Variants in RSPH1 observed in about 807,000 individuals in gnomAD.
RSPH1 encodes the protein radial spoke head component 1.
Under a neutral mutation model 44.2 loss-of-function variants are expected in RSPH1, and 32 were observed. The ratio of observed to expected loss-of-function variants is 0.72; its 90% CI spans 0.55 to 0.97. RSPH1 has a LOEUF of 0.97. Ranked by LOEUF, RSPH1 falls within the 50% of genes least tolerant of loss-of-function variation. RSPH1 has a pLI of 0.00. For synonymous variants in RSPH1, 134 were observed against 147.3 expected (o/e 0.91, Z 0.65); for missense variants, 391 against 398.7 (o/e 0.98, Z 0.16).
intron 7 of RSPH1, 147 bp downstream of exon 7, chr21:42,477,144 C>T (rs2054068592): frequency 1.1e-6 from 1 of 901,440 alleles, no homozygotes; most frequent in African/African-American, 1.9e-5. Context: ...ACCCTCTGCC[C>T]CCTCCACCCC....
chr21:42,477,589 C>A, intron 6 of RSPH1, 145 bp from the exon 7 acceptor site: 1 of 763,006 alleles, frequency 1.3e-6, no homozygotes, highest in Admixed American at 2.3e-5. Context: ...AGGAATCAGA[C>A]CAGTTGCTGA....
chr21:42,488,262 T>C (rs1213657864), intron 3 of RSPH1, among the ~76,000 whole-genome samples: 1 of 152,172 alleles, frequency 6.6e-6, no homozygotes, highest in Non-Finnish European at 1.5e-5. Context: ...GATGTGCAAA[T>C]ACCTAGAGGG....
rs781199496 is a variant in RSPH1 at position 42,485,779 on chromosome 21, C to A, written c.391G>T (p.Ala131Ser). ...QRHGQGTYLY[A>S]ETGSKYVGTW... is the part of the protein sequence containing the mutation. ...CCAACATACTTACTGCCCGTCTCCG[C>A]GTATAAATAGGTGCCTTGCCCATGC... Residue 131 changes from alanine (A) to serine (S), a missense_variant, in exon 5 of 9, where the codon GCG (alanine) becomes TCG (serine). Coordinates refer to ENST00000291536, the MANE Select transcript of RSPH1 (RefSeq NM_080860.4). 57 of 1,614,062 alleles carry A rather than the reference C, an allele frequency of 3.5e-5. No homozygotes were observed. The highest frequency in any genetic ancestry group is 4.7e-5 in the Non-Finnish European group (55 of 1,180,038).
At chr21:42,476,831 C>A (rs1267067598) in intron 7 of RSPH1, among the ~76,000 whole-genome samples, 1 of 152,180 alleles carries the variant, frequency 6.6e-6, no homozygotes, top group Non-Finnish European at 1.5e-5. Flanking sequence ...TCCTCCAATC[C>A]CAAAGGCTCT....
chr21:42,475,804 C>G, intron 8 of RSPH1, 94 bp downstream of exon 8: 5 of 1,438,698 alleles, frequency 3.5e-6, no homozygotes, highest in Non-Finnish European at 4.7e-6. Context: ...TGGGGCCCAG[C>G]TGAAGGCAGG....
At chr21:42,480,697 T>C (rs929439897) in intron 6 of RSPH1, among the ~76,000 whole-genome samples, 4 of 142,520 alleles carry the variant, frequency 2.8e-5, no homozygotes, top group African/African-American at 7.8e-5. Context: ...GAGCATTGAA[T>C]TGAAAAATTA....
At chr21:42,477,023 CT>C (rs2054063126) in intron 7 of RSPH1, among the ~76,000 whole-genome samples, 1 of 69,974 alleles carries the variant, frequency 1.4e-5, no homozygotes. Context: ...GCCCCACACC[CT>C]CTGTCCCACA....
At chr21:42,488,260 A>G (rs1001843139) in intron 3 of RSPH1, among the ~76,000 whole-genome samples, 10 of 152,198 alleles carry the variant, frequency 6.6e-5, no homozygotes, top group Non-Finnish European at 1.3e-4. Flanking sequence ...AGGATGTGCA[A>G]ATACCTAGAG....
Position 42,491,679 on chromosome 21 carries a change from C to T in RSPH1, c.274+1079G>A, listed in dbSNP as rs948436854. 5.9e-5 allele frequency among the ~76,000 whole-genome samples: 9 copies of T among 152,290 alleles called. No homozygotes were observed. The East Asian group carries it at 1.7e-3, about 29-fold the overall frequency. On this transcript the variant is annotated intron_variant, in intron 3 of 8. Coordinates refer to ENST00000291536, the MANE Select transcript of RSPH1 (RefSeq NM_080860.4). ...ATCTAACAGGGATGGTATTAAAACC[C>T]TCCATCTTGGTCTCAGAATTGGACA...
intron 3 of RSPH1, among the ~76,000 whole-genome samples, chr21:42,488,118 CAATT>C (rs1336292066): frequency 6.6e-6 from 1 of 152,126 alleles, no homozygotes; most frequent in Admixed American, 6.5e-5. Flanking sequence ...CAACTGCTAA[CAATT>C]AAGGAAGAGG....
Position 42,475,879 on chromosome 21 carries a change from C to T in RSPH1, c.877+19G>A, listed in dbSNP as rs1424381489. On this transcript the variant is annotated intron_variant, in intron 8 of 8. Coordinates refer to ENST00000291536, the MANE Select transcript of RSPH1 (RefSeq NM_080860.4). ...CTAAGTGCGGGCCCTCGCCCCACTT[C>T]CCTGCGCAGGGACCTCACCCTCATC... is the stretch of plus-strand genomic sequence containing the variant. 6.8e-6 allele frequency: 11 copies of T among 1,608,734 alleles called. No homozygotes were observed. The highest frequency in any genetic ancestry group is 9.3e-6 in the Non-Finnish European group (11 of 1,178,946).
At position 42,492,845 on chromosome 21, in the gene RSPH1, T is replaced by A. The variant is rs1425904828; in HGVS notation, c.187A>T (p.Asn63Tyr). The change falls in exon 3 of 9, where the codon AAT becomes TAT. Residue 63 changes from asparagine to tyrosine, a missense_variant. Asn to Tyr is a moderately radical substitution (Grantham distance 143). Coordinates refer to ENST00000291536, the MANE Select transcript of RSPH1 (RefSeq NM_080860.4). ...RHGQGIYKFK[N>Y]GARYIGEYVR... is the part of the protein sequence containing the mutation. Reference sequence around the variant, plus strand: ...TATTCTCCGATATATCGAGCACCATTTTTAAATTTGTAGATCCCCTGAAAC... The same window carrying A: ...TATTCTCCGATATATCGAGCACCATATTTAAATTTGTAGATCCCCTGAAAC... 1 of 1,613,254 alleles carries A rather than the reference T, an allele frequency of 6.2e-7. No individual in the cohort carries two copies. Among genetic ancestry groups the A allele is most frequent in the Admixed American group, 1.7e-5 (1 of 60,008 alleles).
intron 1 of RSPH1, among the ~76,000 whole-genome samples, chr21:42,494,691 C>T (rs1221043113): frequency 3.4e-5 from 5 of 148,716 alleles, no homozygotes; most frequent in Non-Finnish European, 5.9e-5. Context: ...TAGAAACAGA[C>T]CCTGAACAAG....
chr21:42,493,052 C>G lies in RSPH1; in HGVS notation c.82G>C (p.Gly28Arg). The G allele has an allele frequency of 6.2e-7, 1 of 1,614,180 alleles. No individual in the cohort carries two copies. Among genetic ancestry groups the G allele is most frequent in the Non-Finnish European group, 8.5e-7 (1 of 1,180,026 alleles). ...GCCCTCCCACGTCCGTGCCTTTCGC[C>G]TGCCTCATTCCGACCCCCCTCATAT... ...GEYEGGRNEA[G>R]ERHGRGRARL... The change falls in exon 2 of 9, where the codon GGC becomes CGC. Residue 28 changes from glycine (G) to arginine (R), a missense_variant. Gly to Arg is a moderately radical substitution (Grantham distance 125). Coordinates refer to ENST00000291536, the MANE Select transcript of RSPH1 (RefSeq NM_080860.4).
At chr21:42,490,781 C>T (rs967846916) in intron 3 of RSPH1, among the ~76,000 whole-genome samples, 2 of 152,156 alleles carry the variant, frequency 1.3e-5, no homozygotes, top group Non-Finnish European at 2.9e-5. Flanking sequence ...AAATGAGGCC[C>T]AGGATGGCCT....
At chr21:42,494,461 T>C (rs2054266889) in intron 1 of RSPH1, among the ~76,000 whole-genome samples, 1 of 152,134 alleles carries the variant, frequency 6.6e-6, no homozygotes, top group Non-Finnish European at 1.5e-5. Flanking sequence ...TTAGTTTACA[T>C]CAAAATGTAC....
At chr21:42,476,813 C>T (rs1028260306) in intron 7 of RSPH1, among the ~76,000 whole-genome samples, 45 of 152,272 alleles carry the variant, frequency 3.0e-4, no homozygotes, top group South Asian at 6.2e-4. Context: ...CTCCGCTCTC[C>T]GGGAGTGTCC....
At chr21:42,477,263 C>A in intron 7 of RSPH1, 28 bp downstream of exon 7, 1 of 1,581,576 alleles carries the variant, frequency 6.3e-7, no homozygotes, top group Non-Finnish European at 8.6e-7. Context: ...CTGCCCCCTC[C>A]ACCCCACAGC....
intron 5 of RSPH1, among the ~76,000 whole-genome samples, chr21:42,483,997 T>C (rs2054155752): frequency 1.3e-5 from 2 of 152,118 alleles, no homozygotes; most frequent in Admixed American, 1.3e-4. Context: ...TTGGTGTGTG[T>C]GTGTGTGTGT....
Sources: gnomAD v4.1 joint callset for allele counts (sites outside exome capture counted in the v4.1 genomes callset) on GRCh38, gnomAD v4.1.1 for gene constraint, MANE v1.5 for transcripts, NCBI Gene and HGNC (gene_info 2026-07-23, HGNC 2026-07-21) for gene names.